Variants in CSMD1 observed in about 807,000 individuals in gnomAD.
CSMD1 encodes CUB and sushi domain-containing protein 1.
In CSMD1, 213 loss-of-function variants were observed where a neutral mutation model predicts 417.5. The observed-to-expected ratio is 0.51, with a 90% CI of 0.46 to 0.57. CSMD1 has a LOEUF of 0.57. CSMD1 is among the 20% of genes least tolerant of loss of function. The pLI is 0.00. For missense variants in CSMD1, 6,923 were observed against 4,529.7 expected (o/e 1.53, Z -15.17); for synonymous variants, 2,862 against 1,736.8 (o/e 1.65, Z -16.11).
chr8:3,637,169 T>C (rs1797091660), intron 7 of CSMD1, among the ~76,000 whole-genome samples: 1 of 152,232 alleles, frequency 6.6e-6, no homozygotes, highest in African/African-American at 2.4e-5. Context: ...CAAAATTAAC[T>C]AGGACAATTG....
Position 4,121,406 on chromosome 8 carries a change from T to C in CSMD1, c.416-89307A>G, listed in dbSNP as rs535756878. Among the ~76,000 whole-genome samples the C allele has an allele frequency of 4.3e-3, 652 of 152,280 alleles. 2 individuals carry two copies. Among genetic ancestry groups the C allele is most frequent in the African/African-American group, 0.015 (632 of 41,552 alleles). ...CTGGGATTACAGGCATGAGTGTCAA[T>C]GTATTTTTCATTACAGAATTCACAC... On this transcript the variant is annotated intron_variant, in intron 3 of 69. Transcript: ENST00000635120.
chr8:3,953,401 G>C (rs773745452), intron 5 of CSMD1, among the ~76,000 whole-genome samples: 1 of 152,152 alleles, frequency 6.6e-6, no homozygotes. Flanking sequence ...AGATATTCAT[G>C]TGTAATGAGT....
intron 68 of CSMD1, among the ~76,000 whole-genome samples, chr8:2,948,063 T>G (rs957212335): frequency 1.3e-5 from 2 of 152,012 alleles, no homozygotes; most frequent in Non-Finnish European, 2.9e-5. Context: ...AAAAGGTGGC[T>G]CTGGTATCAA....
At position 3,228,202 on chromosome 8, in the gene CSMD1, G is replaced by C. The variant is rs921011920; in HGVS notation, c.4345+1838C>G. Among the ~76,000 whole-genome samples the C allele has an allele frequency of 2.0e-5, 3 of 152,120 alleles. No individual in the cohort carries two copies. The South Asian group carries it at 6.2e-4, about 32-fold the overall frequency. ...TTGATTTAATTATAGTTTATAAAAT[G>C]TCTTCAGTAAAATGTATTACCCTTT... is the stretch of plus-strand genomic sequence containing the variant. On this transcript the variant is annotated intron_variant, in intron 27 of 69. Transcript: ENST00000635120.
chr8:3,061,546 C>A (rs573976784), intron 49 of CSMD1, among the ~76,000 whole-genome samples: 93 of 152,224 alleles, frequency 6.1e-4, no homozygotes, highest in African/African-American at 2.2e-3. Flanking sequence ...GAAGCTTAAT[C>A]CACAGTTGGC....
At chr8:3,917,966 GGTTT>G (rs1417496926) in intron 5 of CSMD1, among the ~76,000 whole-genome samples, 1 of 151,974 alleles carries the variant, frequency 6.6e-6, no homozygotes, top group Non-Finnish European at 1.5e-5. Flanking sequence ...AATTTAAGCT[GGTTT>G]ATTTCATTTA....
At chr8:4,243,893 A>G (rs1200546012) in intron 3 of CSMD1, among the ~76,000 whole-genome samples, 7 of 152,186 alleles carry the variant, frequency 4.6e-5, no homozygotes, top group Admixed American at 6.5e-5. Context: ...TTTCTCCCAT[A>G]AACACATTAG....
At chr8:3,534,476 T>C (rs1302869585) in intron 10 of CSMD1, among the ~76,000 whole-genome samples, 4 of 146,908 alleles carry the variant, frequency 2.7e-5, no homozygotes, top group Non-Finnish European at 5.9e-5. Context: ...ACACCCTCTC[T>C]CATGCTCAGC....
At chr8:3,478,539 G>A (rs915973715) in intron 11 of CSMD1, among the ~76,000 whole-genome samples, 1 of 152,146 alleles carries the variant, frequency 6.6e-6, no homozygotes, top group African/African-American at 2.4e-5. Context: ...AGCTGGCCTG[G>A]GACCGAAGAC....
At chr8:3,180,692 G>C (rs1262818299) in intron 37 of CSMD1, among the ~76,000 whole-genome samples, 1 of 152,158 alleles carries the variant, frequency 6.6e-6, no homozygotes, top group Non-Finnish European at 1.5e-5. Flanking sequence ...CTGGTGTGCA[G>C]TGGTGCAATC....
intron 3 of CSMD1, among the ~76,000 whole-genome samples, chr8:4,198,358 A>C (rs925229167): frequency 2.6e-5 from 4 of 152,232 alleles, no homozygotes; most frequent in Non-Finnish European, 4.4e-5. Context: ...CTAAGCCAGG[A>C]GCCTGAACTT....
At chr8:3,093,855 C>T (rs36031012) in intron 47 of CSMD1, among the ~76,000 whole-genome samples, 18,362 of 152,100 alleles carry the variant, frequency 0.12, 1,450 homozygotes, top group Non-Finnish European at 0.18. Context: ...TAATAGATCT[C>T]ACTATGAAAA....
At chr8:3,251,504 T>C (rs1362588049) in intron 26 of CSMD1, among the ~76,000 whole-genome samples, 1 of 152,208 alleles carries the variant, frequency 6.6e-6, no homozygotes, top group Non-Finnish European at 1.5e-5. Context: ...GCATGATGCC[T>C]CCAGCTTTGT....
intron 47 of CSMD1, among the ~76,000 whole-genome samples, chr8:3,094,368 G>A (rs924151086): frequency 6.6e-6 from 1 of 152,132 alleles, no homozygotes; most frequent in Non-Finnish European, 1.5e-5. Context: ...GTCTCCTAAA[G>A]TGCTGGGATT....
At chr8:3,478,926 C>T (rs779336163) in intron 11 of CSMD1, among the ~76,000 whole-genome samples, 3 of 152,032 alleles carry the variant, frequency 2.0e-5, no homozygotes, top group Non-Finnish European at 4.4e-5. Flanking sequence ...CCAGACACAG[C>T]GGTAGAGTGG....
intron 10 of CSMD1, among the ~76,000 whole-genome samples, chr8:3,517,565 A>T (rs1390388620): frequency 6.6e-6 from 1 of 152,300 alleles, no homozygotes; most frequent in Non-Finnish European, 1.5e-5. Flanking sequence ...GTCTCATTCC[A>T]CACTGCTGTC....
chr8:3,312,781 C>G (rs1805448805), intron 23 of CSMD1, among the ~76,000 whole-genome samples: 1 of 146,274 alleles, frequency 6.8e-6, no homozygotes, highest in Middle Eastern at 3.6e-3. Context: ...CATAGCATGT[C>G]AGCATCTCTC....
At chr8:3,788,591 G>T (rs920013210) in intron 5 of CSMD1, among the ~76,000 whole-genome samples, 1 of 152,142 alleles carries the variant, frequency 6.6e-6, no homozygotes, top group African/African-American at 2.4e-5. Context: ...CTTACCAAAG[G>T]TGTTAATAGG....
chr8:4,068,544 T>G (rs530882293), intron 3 of CSMD1, among the ~76,000 whole-genome samples: 1 of 152,200 alleles, frequency 6.6e-6, no homozygotes, highest in African/African-American at 2.4e-5. Context: ...AAACATAAAA[T>G]GTATCCTCTG....
Sources: allele counts gnomAD v4.1 joint callset (sites outside exome capture counted in the v4.1 genomes callset), GRCh38; gene constraint gnomAD v4.1.1; transcripts MANE v1.5; gene names NCBI Gene and HGNC (gene_info 2026-07-23, HGNC 2026-07-21).